The following IQGAP2 variants were observed in gnomAD, a reference collection of about 807,000 sequenced individuals.
IQGAP2 encodes the protein IQ motif containing GTPase activating protein 2, also known as ras GTPase-activating-like protein IQGAP2.
Under a neutral mutation model 201.3 loss-of-function variants are expected in IQGAP2, and 173 were observed. The ratio of observed to expected loss-of-function variants is 0.86; its 90% CI spans 0.76 to 0.98. The LOEUF is 0.98. Ranked by LOEUF, IQGAP2 falls within the 50% of genes least tolerant of loss-of-function variation. The probability of loss-of-function intolerance (pLI) is 0.00; values close to 1 mark genes in which losing one functional copy is unlikely to be tolerated. For missense variants in IQGAP2, 1,687 were observed against 1,864.8 expected (o/e 0.90, Z 1.76); for synonymous variants, 675 against 673.9 (o/e 1.00, Z -0.03).
intron 1 of IQGAP2, among the ~76,000 whole-genome samples, chr5:76,450,473 G>A (rs1753671692): frequency 6.6e-6 from 1 of 152,234 alleles, no homozygotes; most frequent in African/African-American, 2.4e-5. Context: ...CTAGGACCTT[G>A]AGTAAAGCAC....
intron 23 of IQGAP2, 112 bp downstream of exon 23, chr5:76,668,956 T>A: frequency 1.7e-6 from 1 of 601,050 alleles, no homozygotes; most frequent in Non-Finnish European, 2.7e-6. Context: ...TATTCCCACA[T>A]ATTAAAATAT....
chr5:76,532,806 C>G (rs1230369791), intron 2 of IQGAP2, among the ~76,000 whole-genome samples: 2 of 152,262 alleles, frequency 1.3e-5, no homozygotes, highest in Non-Finnish European at 2.9e-5. Context: ...CCCACAGCCT[C>G]TGAGAGGATG....
intron 1 of IQGAP2, among the ~76,000 whole-genome samples, chr5:76,431,488 A>AT (rs1410104591): frequency 2.0e-4 from 31 of 152,068 alleles, no homozygotes; most frequent in Admixed American, 2.0e-3. Context: ...TCTGTTTGGC[A>AT]TGCTTTGTTT....
intron 32 of IQGAP2, among the ~76,000 whole-genome samples, chr5:76,697,776 T>A (rs959150080): frequency 1.3e-5 from 2 of 152,218 alleles, no homozygotes; most frequent in Admixed American, 1.3e-4. Context: ...TTAACAAGTC[T>A]CTTAAAGTGA....
At chr5:76,441,591 G>C (rs1012984227) in intron 1 of IQGAP2, 8 of 860,526 alleles carry the variant, frequency 9.3e-6, no homozygotes, top group Non-Finnish European at 1.1e-5. Flanking sequence ...TCAGCGGTAT[G>C]TTTGGGCTGA....
intron 1 of IQGAP2, among the ~76,000 whole-genome samples, chr5:76,422,274 G>A (rs1015272642): frequency 6.6e-6 from 1 of 152,076 alleles, no homozygotes; most frequent in Non-Finnish European, 1.5e-5. Flanking sequence ...ATTTCCTAAG[G>A]GTGAGTGTTG....
At chr5:76,421,156 A>C (rs1452037179) in intron 1 of IQGAP2, among the ~76,000 whole-genome samples, 1 of 152,146 alleles carries the variant, frequency 6.6e-6, no homozygotes, top group Non-Finnish European at 1.5e-5. Context: ...ATCACTTTTT[A>C]ATGGAGTGAA....
At chr5:76,625,395 G>A (rs1750129873) in intron 13 of IQGAP2, among the ~76,000 whole-genome samples, 1 of 152,144 alleles carries the variant, frequency 6.6e-6, no homozygotes, top group Non-Finnish European at 1.5e-5. Context: ...GGGGAGTGTT[G>A]GGTTCTCTTA....
At chr5:76,568,457 T>C (rs1744897755) in intron 3 of IQGAP2, among the ~76,000 whole-genome samples, 1 of 152,218 alleles carries the variant, frequency 6.6e-6, no homozygotes, top group South Asian at 2.1e-4. Flanking sequence ...ATTTTGTGGC[T>C]CAGGAACCAA....
At chr5:76,477,491 G>A (rs979745995) in intron 2 of IQGAP2, among the ~76,000 whole-genome samples, 11 of 152,120 alleles carry the variant, frequency 7.2e-5, no homozygotes, top group East Asian at 3.9e-4. Context: ...CATTACTCAC[G>A]TGTTTGTGGT....
intron 13 of IQGAP2, among the ~76,000 whole-genome samples, chr5:76,621,074 C>T (rs1749616213): frequency 6.6e-6 from 1 of 152,182 alleles, no homozygotes; most frequent in Admixed American, 6.5e-5. Context: ...ATTTAAAATG[C>T]CAGTACTGCG....
intron 17 of IQGAP2, among the ~76,000 whole-genome samples, chr5:76,650,748 T>G (rs1174267867): frequency 6.6e-6 from 1 of 152,198 alleles, no homozygotes; most frequent in Non-Finnish European, 1.5e-5. Context: ...CATTAGGTAT[T>G]TCTCCTAATG....
intron 3 of IQGAP2, among the ~76,000 whole-genome samples, chr5:76,568,757 G>A (rs1246256923): frequency 6.6e-6 from 1 of 152,130 alleles, no homozygotes; most frequent in African/African-American, 2.4e-5. Context: ...TCAGAAAGTG[G>A]GATCAATTTG....
intron 1 of IQGAP2, among the ~76,000 whole-genome samples, chr5:76,437,919 A>G (rs891242988): frequency 1.4e-5 from 2 of 146,056 alleles, no homozygotes; most frequent in South Asian, 2.1e-4. Context: ...GTCAAATGGT[A>G]TTATCTTTTT....
intron 28 of IQGAP2, 157 bp downstream of exon 28, chr5:76,677,507 A>T (rs1744927089): frequency 5.9e-6 from 3 of 508,418 alleles, no homozygotes; most frequent in Admixed American, 8.2e-5. Flanking sequence ...CATGACTCTT[A>T]TACATTAATA....
At chr5:76,535,236 G>A (rs1759547879) in intron 2 of IQGAP2, among the ~76,000 whole-genome samples, 1 of 152,084 alleles carries the variant, frequency 6.6e-6, no homozygotes, top group African/African-American at 2.4e-5. Flanking sequence ...TTGACAGTAA[G>A]CAAGAGTGAA....
chr5:76,574,141 G>T, intron 4 of IQGAP2, among the ~76,000 whole-genome samples: 1 of 152,008 alleles, frequency 6.6e-6, no homozygotes, highest in Non-Finnish European at 1.5e-5. Flanking sequence ...CATTATTTTA[G>T]TTTTTGATGT....
At chr5:76,463,574 T>C (rs1215502293) in intron 2 of IQGAP2, among the ~76,000 whole-genome samples, 1 of 152,234 alleles carries the variant, frequency 6.6e-6, no homozygotes, top group Admixed American at 6.5e-5. Context: ...CTCCTCAGTA[T>C]ATTGAAATGG....
chr5:76,487,619 C>T (rs1184465691), intron 2 of IQGAP2, among the ~76,000 whole-genome samples: 1 of 152,196 alleles, frequency 6.6e-6, no homozygotes, highest in Non-Finnish European at 1.5e-5. Context: ...CTCCACTTCA[C>T]CACCCCTCCA....
Sources: allele counts gnomAD v4.1 joint callset (sites outside exome capture counted in the v4.1 genomes callset), GRCh38; gene constraint gnomAD v4.1.1; transcripts MANE v1.5; gene names NCBI Gene and HGNC (gene_info 2026-07-23, HGNC 2026-07-21).